GALNT13: variants seen among roughly 807,000 people sequenced by gnomAD.
GALNT13 encodes the protein polypeptide N-acetylgalactosaminyltransferase 13.
A neutral mutation model predicts 64.2 loss-of-function variants in GALNT13; 28 were observed. That is an observed-to-expected ratio of 0.44 (90% CI 0.32 to 0.60). GALNT13 has a LOEUF of 0.60. Among genes scored for constraint, GALNT13 ranks in the 20% least tolerant of loss-of-function variants. The pLI is 0.05. For missense variants in GALNT13, 577 were observed against 669.8 expected (o/e 0.86, Z 1.53); for synonymous variants, 214 against 224.6 (o/e 0.95, Z 0.42).
chr2:154,150,187 A>G (rs1010439684), intron 4 of GALNT13, among the ~76,000 whole-genome samples: 1 of 152,184 alleles, frequency 6.6e-6, no homozygotes, highest in South Asian at 2.1e-4. Context: ...TGAGATAATC[A>G]TGTGGTTTTT....
At chr2:154,084,386 G>A (rs72995373) in intron 3 of GALNT13, among the ~76,000 whole-genome samples, 8,399 of 151,754 alleles carry the variant, frequency 0.055, 347 homozygotes, top group South Asian at 0.13. Context: ...TATATCTCGA[G>A]TATGAAAGGA....
chr2:153,730,427 T>C, the GALNT13 span, among the ~76,000 whole-genome samples: 1 of 151,906 alleles, frequency 6.6e-6, no homozygotes, highest in African/African-American at 2.4e-5. Context: ...TGTCACCATA[T>C]ACAAAAATCA....
intron 9 of GALNT13, among the ~76,000 whole-genome samples, chr2:154,375,345 A>AT (rs917463669): frequency 6.6e-6 from 1 of 152,136 alleles, no homozygotes; most frequent in Admixed American, 6.6e-5. Context: ...AGATAAAAAG[A>AT]TAGAGCTATA....
At chr2:154,158,736 C>A (rs749652542) in intron 4 of GALNT13, among the ~76,000 whole-genome samples, 1 of 152,146 alleles carries the variant, frequency 6.6e-6, no homozygotes, top group African/African-American at 2.4e-5. Flanking sequence ...GCTCCCTTAC[C>A]TTCAATCTCT....
chr2:153,677,705 A>AT, the GALNT13 span, among the ~76,000 whole-genome samples: 6 of 152,062 alleles, frequency 3.9e-5, no homozygotes, highest in South Asian at 1.2e-3. Flanking sequence ...TCTTACAAAA[A>AT]TAGACACAGA....
the GALNT13 span, among the ~76,000 whole-genome samples, chr2:153,292,525 C>G: frequency 1.3e-5 from 2 of 152,066 alleles, no homozygotes; most frequent in Admixed American, 1.3e-4. Flanking sequence ...TCAAGAAGTT[C>G]AGTGTGGGTG....
chr2:154,389,174 C>A (rs953866814), intron 9 of GALNT13, among the ~76,000 whole-genome samples: 1 of 152,070 alleles, frequency 6.6e-6, no homozygotes, highest in East Asian at 1.9e-4. Context: ...CTCGCTCTGT[C>A]ACCCAGGCTG....
At chr2:153,426,390 A>G in the GALNT13 span, among the ~76,000 whole-genome samples, 2 of 152,104 alleles carry the variant, frequency 1.3e-5, no homozygotes, top group East Asian at 1.9e-4. Context: ...CCAAGTGCAG[A>G]TTCACGCTTT....
intron 3 of GALNT13, among the ~76,000 whole-genome samples, chr2:154,002,638 A>C (rs1347051533): frequency 6.6e-6 from 1 of 151,952 alleles, no homozygotes; most frequent in Non-Finnish European, 1.5e-5. Context: ...ATAGATCTTT[A>C]ATTCTTCTGG....
intron 11 of GALNT13, among the ~76,000 whole-genome samples, chr2:154,412,852 G>C (rs866988818): frequency 7.2e-5 from 11 of 151,856 alleles, no homozygotes; most frequent in South Asian, 2.1e-4. Flanking sequence ...CTTACTCAAA[G>C]AATAACAAAA....
chr2:153,302,729 T>G, the GALNT13 span, among the ~76,000 whole-genome samples: 1 of 152,194 alleles, frequency 6.6e-6, no homozygotes, highest in African/African-American at 2.4e-5. Context: ...TTGATTTTTT[T>G]GTATATGTTA....
the GALNT13 span, among the ~76,000 whole-genome samples, chr2:153,345,647 C>CTT: frequency 8.5e-6 from 1 of 118,120 alleles, no homozygotes; most frequent in Non-Finnish European, 1.8e-5. Flanking sequence ...TTCTTTCTTT[C>CTT]TTTCTTTCTT....
intron 3 of GALNT13, among the ~76,000 whole-genome samples, chr2:154,078,038 G>A (rs888884899): frequency 2.0e-5 from 3 of 151,462 alleles, no homozygotes; most frequent in African/African-American, 7.3e-5. Context: ...AGTAATGTTT[G>A]CCTTTCAAAA....
the GALNT13 span, among the ~76,000 whole-genome samples, chr2:153,817,135 T>C: frequency 1.3e-5 from 2 of 152,208 alleles, no homozygotes; most frequent in African/African-American, 2.4e-5. Context: ...GGCTCAGAAC[T>C]TCATGACATC....
At chr2:154,024,116 C>A (rs918500927) in intron 3 of GALNT13, among the ~76,000 whole-genome samples, 1 of 152,118 alleles carries the variant, frequency 6.6e-6, no homozygotes, top group Non-Finnish European at 1.5e-5. Flanking sequence ...TTCTCTCTGG[C>A]TGCCCTTAAC....
At chr2:153,904,291 T>C (rs561347275) in intron 2 of GALNT13, among the ~76,000 whole-genome samples, 9 of 152,052 alleles carry the variant, frequency 5.9e-5, no homozygotes, top group African/African-American at 2.2e-4. Flanking sequence ...ATAAACATTC[T>C]TTTAAATGTG....
the GALNT13 span, among the ~76,000 whole-genome samples, chr2:153,175,518 C>T: frequency 6.6e-6 from 1 of 152,092 alleles, no homozygotes. Context: ...GAATGCTGAG[C>T]CTGGTTCTTC....
intron 4 of GALNT13, among the ~76,000 whole-genome samples, chr2:154,176,240 ATTATTTATT>A (rs1685642172): frequency 7.5e-6 from 1 of 132,740 alleles, no homozygotes; most frequent in African/African-American, 2.8e-5. Flanking sequence ...GAACATATAT[ATTATTTATT>A]TATTTATTTA....
At chr2:153,470,061 A>C in the GALNT13 span, among the ~76,000 whole-genome samples, 1 of 152,164 alleles carries the variant, frequency 6.6e-6, no homozygotes, top group Non-Finnish European at 1.5e-5. Flanking sequence ...TTGATAGAAT[A>C]AATAGCTTTA....
Sources: allele counts gnomAD v4.1 joint callset (sites outside exome capture counted in the v4.1 genomes callset), GRCh38; gene constraint gnomAD v4.1.1; transcripts MANE v1.5; gene names NCBI Gene and HGNC (gene_info 2026-07-23, HGNC 2026-07-21).